RNLS: variants seen among roughly 807,000 people sequenced by gnomAD.
RNLS encodes the protein renalase.
In RNLS, 39 loss-of-function variants were observed where a neutral mutation model predicts 39.8. The observed-to-expected ratio is 0.98, with a 90% CI of 0.76 to 1.28. The LOEUF (loss-of-function observed/expected upper bound fraction) is 1.28. Ranked by LOEUF, RNLS falls within the 50% of genes most tolerant of loss-of-function variation. RNLS has a pLI of 0.00. For missense variants in RNLS, 410 were observed against 413.3 expected (o/e 0.99, Z 0.07); for synonymous variants, 147 against 150.7 (o/e 0.98, Z 0.18).
At chr10:88,256,910 T>A in the RNLS span, among the ~76,000 whole-genome samples, 39 of 152,128 alleles carry the variant, frequency 2.6e-4, no homozygotes, top group Admixed American at 3.3e-4. Flanking sequence ...AACAACAAAA[T>A]TAAAATTATC....
downstream of RNLS, among the ~76,000 whole-genome samples, chr10:88,280,003 C>T (rs1386957988): frequency 6.6e-6 from 1 of 152,132 alleles, no homozygotes; most frequent in East Asian, 1.9e-4. Context: ...TATCCACTAA[C>T]TCTCCTTATC....
the RNLS span, among the ~76,000 whole-genome samples, chr10:88,216,949 A>G: frequency 6.6e-6 from 1 of 152,160 alleles, no homozygotes; most frequent in Non-Finnish European, 1.5e-5. Context: ...GGTTAGGGCA[A>G]CCAAGATAGG....
intron 5 of RNLS, among the ~76,000 whole-genome samples, chr10:88,318,729 C>A (rs1354603687): frequency 6.6e-6 from 1 of 152,186 alleles, no homozygotes; most frequent in Admixed American, 6.5e-5. Flanking sequence ...AGCCACATTG[C>A]AGCTGGGAAC....
chr10:88,549,295 C>A (rs1848497158), intron 4 of RNLS, among the ~76,000 whole-genome samples: 1 of 127,956 alleles, frequency 7.8e-6, no homozygotes, highest in African/African-American at 3.0e-5. Flanking sequence ...TGGCTCATGC[C>A]TGCAATTCTA....
chr10:88,213,791 A>G, the RNLS span, among the ~76,000 whole-genome samples: 1 of 152,302 alleles, frequency 6.6e-6, no homozygotes, highest in East Asian at 1.9e-4. Context: ...CTGATTCTTC[A>G]TTTAACTGAT....
At chr10:88,366,072 C>T (rs574272492) in intron 4 of RNLS, among the ~76,000 whole-genome samples, 5 of 152,180 alleles carry the variant, frequency 3.3e-5, no homozygotes, top group African/African-American at 1.2e-4. Flanking sequence ...CTGTAGCCTA[C>T]ATACTCGTGG....
the RNLS span, among the ~76,000 whole-genome samples, chr10:88,229,032 C>T: frequency 3.3e-5 from 5 of 152,188 alleles, no homozygotes; most frequent in Non-Finnish European, 5.9e-5. Flanking sequence ...CATCAATCCA[C>T]CCATCCATCC....
chr10:88,450,476 G>A (rs1842301599), intron 4 of RNLS, among the ~76,000 whole-genome samples: 1 of 152,110 alleles, frequency 6.6e-6, no homozygotes, highest in Non-Finnish European at 1.5e-5. Context: ...GCAGCTGAGA[G>A]GTTTTCTGTT....
intron 6 of RNLS, among the ~76,000 whole-genome samples, chr10:88,294,245 C>T (rs1051610766): frequency 2.6e-5 from 4 of 152,092 alleles, no homozygotes; most frequent in Admixed American, 2.6e-4. Context: ...GGAGAAGTGT[C>T]AATAAATGAA....
At chr10:88,470,729 C>T (rs192334061) in intron 4 of RNLS, among the ~76,000 whole-genome samples, 52 of 151,666 alleles carry the variant, frequency 3.4e-4, no homozygotes, top group African/African-American at 1.1e-3. Context: ...AATTCTCCTG[C>T]CTCAGCCTCC....
At chr10:88,219,635 G>A in the RNLS span, among the ~76,000 whole-genome samples, 2 of 152,084 alleles carry the variant, frequency 1.3e-5, no homozygotes, top group African/African-American at 2.4e-5. Context: ...TGACTCCTGG[G>A]CACAGACCTA....
intron 4 of RNLS, among the ~76,000 whole-genome samples, chr10:88,430,569 A>G (rs1855071877): frequency 6.6e-6 from 1 of 151,830 alleles, no homozygotes; most frequent in African/African-American, 2.4e-5. Flanking sequence ...CTTGTACTCA[A>G]CAGTAGTAGG....
At chr10:88,356,780 C>G (rs759101729) in intron 5 of RNLS, among the ~76,000 whole-genome samples, 4 of 151,748 alleles carry the variant, frequency 2.6e-5, no homozygotes, top group Non-Finnish European at 4.4e-5. Flanking sequence ...CATCACATCT[C>G]TAGAATTCAG....
At chr10:88,383,070 CAT>C (rs1203105766) in intron 4 of RNLS, among the ~76,000 whole-genome samples, 1 of 152,072 alleles carries the variant, frequency 6.6e-6, no homozygotes, top group Non-Finnish European at 1.5e-5. Context: ...TTAAATCTAT[CAT>C]GTGTAATTGA....
At chr10:88,453,342 G>A (rs145569660) in intron 4 of RNLS, among the ~76,000 whole-genome samples, 141 of 152,306 alleles carry the variant, frequency 9.3e-4, no homozygotes, top group Non-Finnish European at 1.6e-3. Context: ...GCTCCTTCCC[G>A]GCGGTAGCCC....
the RNLS span, among the ~76,000 whole-genome samples, chr10:88,236,883 C>T: frequency 6.6e-6 from 1 of 152,100 alleles, no homozygotes; most frequent in Non-Finnish European, 1.5e-5. Flanking sequence ...GGCTATCTTC[C>T]AGGCTTTTTT....
intron 4 of RNLS, among the ~76,000 whole-genome samples, chr10:88,458,727 G>T (rs929254222): frequency 5.3e-5 from 8 of 152,210 alleles, no homozygotes; most frequent in African/African-American, 1.7e-4. Flanking sequence ...AATAGTATTT[G>T]TGTATGGATT....
At chr10:88,321,703 T>C (rs1402634482) in intron 5 of RNLS, among the ~76,000 whole-genome samples, 2 of 150,564 alleles carry the variant, frequency 1.3e-5, no homozygotes, top group Admixed American at 1.3e-4. Context: ...CTAGAGGAGA[T>C]GGATAAATTC....
At chr10:88,197,741 T>A in the RNLS span, among the ~76,000 whole-genome samples, 1 of 152,240 alleles carries the variant, frequency 6.6e-6, no homozygotes, top group East Asian at 1.9e-4. Flanking sequence ...CCTAATTCGA[T>A]AAGATTGGTG....
Sources: gnomAD v4.1 joint callset for allele counts (sites outside exome capture counted in the v4.1 genomes callset) on GRCh38, gnomAD v4.1.1 for gene constraint, MANE v1.5 for transcripts, NCBI Gene and HGNC (gene_info 2026-07-23, HGNC 2026-07-21) for gene names.